Variants in GATB observed in about 807,000 individuals in gnomAD.
The protein encoded by GATB is glutamyl-tRNA amidotransferase subunit B.
In GATB, 39 loss-of-function variants were observed where a neutral mutation model predicts 62.3. The observed-to-expected ratio is 0.63, with a 90% CI of 0.48 to 0.82. GATB has a LOEUF of 0.82. GATB is among the 40% of genes least tolerant of loss of function. GATB has a pLI of 0.00. For missense variants in GATB, 670 were observed against 684.0 expected (o/e 0.98, Z 0.23); for synonymous variants, 276 against 258.9 (o/e 1.07, Z -0.63).
rs1184463590 is a variant in GATB, at chr4:151,760,889, T to G, written c.94A>C (p.Thr32Pro). Residue 32 changes from threonine (T) to proline (P), a missense_variant, in exon 1 of 13, where the codon ACT becomes CCT. By Grantham distance (38) the Thr-to-Pro change is conservative. Transcript: ENST00000263985. Reference protein sequence around the residue: ...GGSCHRRGAPTGSTSNQIRGE... With the variant: ...GGSCHRRGAPPGSTSNQIRGE... ...CTAATCTGGTTGGATGTGGACCCAG[T>G]CGGAGCCCCTCTTCGGTGGCAAGAA... 6 of 1,614,052 alleles carry G rather than the reference T, an allele frequency of 3.7e-6. No homozygotes were observed. The South Asian group carries it at 6.6e-5, about 18-fold the overall frequency.
chr4:151,700,081 A>G (rs1738570951), intron 9 of GATB, among the ~76,000 whole-genome samples: 1 of 152,246 alleles, frequency 6.6e-6, no homozygotes, highest in Admixed American at 6.5e-5. Context: ...GTATAAGACT[A>G]AAACGTAGTT....
At position 151,688,674 on chromosome 4, in the gene GATB, A is replaced by C. The variant is rs62327344; in HGVS notation, c.1287T>G (p.Thr429=). 55,990 of 1,612,322 alleles carry C rather than the reference A, an allele frequency of 0.035. 1,084 individuals carry two copies. Among genetic ancestry groups the C allele is most frequent in the Non-Finnish European group, 0.042 (49,242 of 1,179,476 alleles). The change falls in exon 10 of 13, where the codon ACT becomes ACG. Residue 429 remains threonine, a synonymous_variant. Transcript: ENST00000263985. ...TCTGTTGCTTTAAATAGCCCAGAAA[A>C]GTGTTGAGGACCCAACTAGTCACCT... ...PKKVTSWVLN[T]FLGYLKQQNL...
At chr4:151,751,104 T>C (rs1739713583) in intron 2 of GATB, among the ~76,000 whole-genome samples, 1 of 152,080 alleles carries the variant, frequency 6.6e-6, no homozygotes, top group Admixed American at 6.6e-5. Flanking sequence ...TGAGTATGGA[T>C]GGATCTAGAA....
chr4:151,719,112 C>G (rs1432664475), intron 3 of GATB, among the ~76,000 whole-genome samples: 1 of 152,248 alleles, frequency 6.6e-6, no homozygotes, highest in Non-Finnish European at 1.5e-5. Context: ...TTTGTACTAA[C>G]AGGCAATTAG....
intron 4 of GATB, 50 bp downstream of exon 4, chr4:151,716,826 T>C (rs762036547): frequency 2.0e-5 from 31 of 1,560,458 alleles, no homozygotes; most frequent in Non-Finnish European, 2.7e-5. Context: ...GGCCCTGCTA[T>C]CCAAGAACTG....
chr4:151,719,491 A>G lies in GATB; in HGVS notation c.375T>C (p.Ala125=), dbSNP rs1738984731. 1.2e-6 allele frequency: 2 copies of G among 1,610,868 alleles called. No individual in the cohort carries two copies. Among genetic ancestry groups the G allele is most frequent in the Non-Finnish European group, 1.7e-6 (2 of 1,178,722 alleles). ...CVEAAVMTGL[A]LNCHINKKSL... Reference sequence around the variant, plus strand: ...ACTTCTTGTTTATGTGGCAGTTCAGAGCCAGGCCTGTCATCACCGCCGCTT... The same window carrying G: ...ACTTCTTGTTTATGTGGCAGTTCAGGGCCAGGCCTGTCATCACCGCCGCTT... Residue 125 remains alanine, a synonymous_variant, in exon 3 of 13, where the codon GCT becomes GCC. Coordinates refer to ENST00000263985, the MANE Select transcript of GATB (RefSeq NM_004564.3).
chr4:151,716,061 C>T lies in GATB; in HGVS notation c.711G>A (p.Arg237=). 1 of 1,613,948 alleles carries T rather than the reference C, an allele frequency of 6.2e-7. No individual in the cohort carries two copies. The highest frequency in any genetic ancestry group is 8.5e-7 in the Non-Finnish European group (1 of 1,179,916). The stretch of plus-strand genomic sequence containing the variant: ...GGGCTTGAAGGATCAGCTGCAGCTC[C>T]CTGACAGCTGTTGCCGCCTCTTCTC... ...SCGEEAATAV[R]ELQLILQALG... Residue 237 remains arginine, a synonymous_variant, in exon 5 of 13, where the codon AGG becomes AGA. Coordinates refer to ENST00000263985, the MANE Select transcript of GATB (RefSeq NM_004564.3).
intron 2 of GATB, chr4:151,722,160 G>C: frequency 1.4e-6 from 1 of 700,432 alleles, no homozygotes; most frequent in Non-Finnish European, 2.6e-6. Context: ...GTCCAGGTCA[G>C]CATGTTCTGA....
chr4:151,741,112 A>G (rs1479269117), intron 2 of GATB, among the ~76,000 whole-genome samples: 2 of 152,170 alleles, frequency 1.3e-5, no homozygotes. Context: ...GATGGTACCA[A>G]GTCCGATATA....
intron 2 of GATB, among the ~76,000 whole-genome samples, chr4:151,755,216 G>A (rs1461284028): frequency 1.3e-5 from 2 of 152,156 alleles, no homozygotes; most frequent in Non-Finnish European, 2.9e-5. Flanking sequence ...ATAAGAAACT[G>A]ATGCAAAGAA....
chr4:151,759,781 T>A (rs1248515151), intron 1 of GATB, among the ~76,000 whole-genome samples: 1 of 151,920 alleles, frequency 6.6e-6, no homozygotes, highest in Non-Finnish European at 1.5e-5. Context: ...CAAGTAATTT[T>A]GTGTATATAC....
In GATB at chr4:151,717,008, A is replaced by C. The variant is rs752789779; in HGVS notation, c.508T>G (p.Cys170Gly). Residue 170 changes from cysteine (C) to glycine (G), a missense_variant, in exon 4 of 13, where the codon TGT (cysteine) becomes GGT (glycine). Cys to Gly is a radical substitution (Grantham distance 159). Coordinates refer to ENST00000263985, the MANE Select transcript of GATB (RefSeq NM_004564.3). ...ACCTGACTCTGCTTCTTCCCTGCAC[A>C]GACGCCATATATCAAGCTCCCATTC... ...AVNGSLIYGV[C>G]AGKKQSQVIP... 6.2e-7 allele frequency: 1 copy of C among 1,614,034 alleles called. No homozygotes were observed.
intron 2 of GATB, among the ~76,000 whole-genome samples, chr4:151,735,888 C>T (rs997094091): frequency 3.3e-5 from 5 of 151,310 alleles, no homozygotes; most frequent in Admixed American, 3.3e-4. Flanking sequence ...GGGAAGGGGG[C>T]AAGGGATAAA....
chr4:151,716,271 TC>T (rs1225191192), intron 4 of GATB, 140 bp from the exon 5 acceptor site: 10 of 420,806 alleles, frequency 2.4e-5, no homozygotes, highest in Non-Finnish European at 3.9e-5. Context: ...TTCTCTTCCC[TC>T]CCACCTTTTT....
chr4:151,754,904 G>C (rs1229609225), intron 2 of GATB, among the ~76,000 whole-genome samples: 1 of 152,260 alleles, frequency 6.6e-6, no homozygotes, highest in East Asian at 1.9e-4. Flanking sequence ...GTGAAATCAA[G>C]GTTAAGTGAC....
intron 2 of GATB, chr4:151,723,099 A>G (rs553422271): frequency 4.8e-4 from 73 of 152,358 alleles, no homozygotes; most frequent in African/African-American, 1.4e-3. Flanking sequence ...TCGTTTGGAA[A>G]GAAGGCAGTA....
At chr4:151,680,132 G>A (rs902539564) in intron 10 of GATB, among the ~76,000 whole-genome samples, 1 of 151,964 alleles carries the variant, frequency 6.6e-6, no homozygotes, top group African/African-American at 2.4e-5. Flanking sequence ...ACAGCTGTTT[G>A]GCAGAAGTTG....
intron 2 of GATB, among the ~76,000 whole-genome samples, chr4:151,742,379 C>T (rs1722348058): frequency 6.6e-6 from 1 of 152,236 alleles, no homozygotes; most frequent in African/African-American, 2.4e-5. Flanking sequence ...TGAGCCACCG[C>T]ACCCGGCTGG....
chr4:151,742,346 C>G lies in GATB; in HGVS notation c.327+16426G>C, dbSNP rs548501958. On this transcript the variant is annotated intron_variant, in intron 2 of 12. Transcript: ENST00000263985. The stretch of plus-strand genomic sequence containing the variant: ...CTCGTGATCCGCCTGCCTTGGCCTC[C>G]CAAAGTGCTGGGATTACAGGCGTGA... Among the ~76,000 whole-genome samples the G allele has an allele frequency of 1.5e-4, 23 of 152,188 alleles. 1 individual carries two copies. The highest frequency in any genetic ancestry group is 3.3e-4 in the Admixed American group (5 of 15,272).
Sources: gnomAD v4.1 joint callset for allele counts (sites outside exome capture counted in the v4.1 genomes callset) on GRCh38, gnomAD v4.1.1 for gene constraint, MANE v1.5 for transcripts, NCBI Gene and HGNC (gene_info 2026-07-23, HGNC 2026-07-21) for gene names.